Variants in HELLS observed in about 807,000 individuals in gnomAD.
HELLS encodes the protein lymphoid-specific helicase.
Under a neutral mutation model 120.0 loss-of-function variants are expected in HELLS, and 32 were observed. The ratio of observed to expected loss-of-function variants is 0.27; its 90% CI spans 0.20 to 0.36. The LOEUF is 0.36. Among genes scored for constraint, HELLS ranks in the 10% least tolerant of loss-of-function variants. The pLI is 1.00. For missense variants in HELLS, 650 were observed against 993.4 expected (o/e 0.65, Z 4.65); for synonymous variants, 341 against 323.4 (o/e 1.05, Z -0.58).
intron 6 of HELLS, among the ~76,000 whole-genome samples, chr10:94,565,527 T>G (rs1218348809): frequency 6.6e-6 from 1 of 151,930 alleles, no homozygotes; most frequent in Non-Finnish European, 1.5e-5. Context: ...CCATCTCTAC[T>G]AAAAATACAA....
In HELLS at chr10:94,591,243, T is replaced by A. The variant is rs1440382705; in HGVS notation, c.1767+467T>A. Among the ~76,000 whole-genome samples the A allele has an allele frequency of 2.6e-5, 4 of 152,306 alleles. No homozygotes were observed. The East Asian group carries it at 7.7e-4, about 29-fold the overall frequency. ...TTTACTTGTTATATTTTAGAGAGAG[T>A]GGTCATCTTTTCACTATTTCTTTTA... On this transcript the variant is annotated intron_variant, in intron 15 of 21. Coordinates refer to ENST00000348459, the MANE Select transcript of HELLS (RefSeq NM_018063.5).
At chr10:94,575,978 G>A (rs543637870) in intron 9 of HELLS, among the ~76,000 whole-genome samples, 18 of 152,188 alleles carry the variant, frequency 1.2e-4, no homozygotes, top group African/African-American at 4.3e-4. Flanking sequence ...TGTATTTTTA[G>A]TAGTGACGGG....
chr10:94,608,312 T>C (rs955309970), intron 9 of HELLS, among the ~76,000 whole-genome samples: 6 of 152,234 alleles, frequency 3.9e-5, no homozygotes, highest in African/African-American at 1.4e-4. Context: ...ACATATCCTT[T>C]AGCCTAATTA....
intron 2 of HELLS, among the ~76,000 whole-genome samples, chr10:94,552,221 C>T (rs1035487301): frequency 1.3e-4 from 19 of 151,354 alleles, no homozygotes; most frequent in African/African-American, 4.6e-4. Flanking sequence ...AAAAAATCTG[C>T]CACTAGACTT....
Position 94,545,930 on chromosome 10 carries a change from G to T in HELLS, c.9G>T (p.Ala3=). Residue 3 remains alanine (A), a synonymous_variant, in exon 1 of 22, where the codon GCG becomes GCT. Transcript: ENST00000348459. MP[A]ERPAGSGGSE... is the part of the protein sequence containing the mutation. ...CGGGTGAGTGTCCAGGCATGCCAGC[G>T]GAACGGCCCGCGGGCAGCGGCGGTG... 1.3e-6 allele frequency: 2 copies of T among 1,556,162 alleles called. No homozygotes were observed. Among genetic ancestry groups the T allele is most frequent in the Non-Finnish European group, 1.7e-6 (2 of 1,149,292 alleles).
At chr10:94,580,135 A>ATG (rs1844763725) in intron 10 of HELLS, among the ~76,000 whole-genome samples, 1 of 38,662 alleles carries the variant, frequency 2.6e-5, no homozygotes, top group African/African-American at 1.8e-4. Flanking sequence ...ATATATATAT[A>ATG]TATATATATA....
intron 3 of HELLS, 53 bp downstream of exon 3, chr10:94,554,301 CT>C: frequency 1.5e-6 from 2 of 1,340,922 alleles, no homozygotes; most frequent in Non-Finnish European, 2.0e-6. Context: ...TTAAAAATAG[CT>C]TTATTGAAGT....
intron 6 of HELLS, among the ~76,000 whole-genome samples, chr10:94,567,186 T>G (rs1299195409): frequency 6.6e-6 from 1 of 152,200 alleles, no homozygotes; most frequent in Non-Finnish European, 1.5e-5. Flanking sequence ...TCTTCACCTT[T>G]TCCTTCCTCA....
chr10:94,550,061 C>T (rs1004778063), intron 2 of HELLS, among the ~76,000 whole-genome samples: 1 of 152,102 alleles, frequency 6.6e-6, no homozygotes, highest in Non-Finnish European at 1.5e-5. Context: ...GTTGGGATTA[C>T]AGGCATGTGC....
intron 19 of HELLS, 138 bp from the exon 20 acceptor site, chr10:94,596,722 A>C: frequency 1.8e-6 from 1 of 548,710 alleles, no homozygotes; most frequent in South Asian, 2.4e-5. Context: ...GAAGCCTGAG[A>C]GCTTCATTTG....
At chr10:94,599,676 A>C (rs1845933054) in intron 21 of HELLS, among the ~76,000 whole-genome samples, 1 of 152,220 alleles carries the variant, frequency 6.6e-6, no homozygotes, top group East Asian at 1.9e-4. Flanking sequence ...GATTATCTTC[A>C]TAGGAAGTCC....
chr10:94,606,556 C>G (rs902810974), downstream of HELLS, among the ~76,000 whole-genome samples: 1 of 151,900 alleles, frequency 6.6e-6, no homozygotes, highest in Admixed American at 6.6e-5. Context: ...TGCTATGTTG[C>G]CCAGGCTCGT....
intron 3 of HELLS, chr10:94,557,247 C>A: frequency 2.9e-6 from 1 of 341,024 alleles, no homozygotes; most frequent in Non-Finnish European, 6.0e-6. Flanking sequence ...CCCCATCACC[C>A]ACATTTAAAA....
At chr10:94,590,827 A>G (rs369235635) in intron 15 of HELLS, 51 bp downstream of exon 15, 65 of 1,065,796 alleles carry the variant, frequency 6.1e-5, no homozygotes, top group Non-Finnish European at 8.5e-5. Context: ...TTACTTTTAT[A>G]TTGGTGGAAA....
chr10:94,601,364 G>T (rs1846023189), intron 21 of HELLS, among the ~76,000 whole-genome samples, 164 bp from the exon 22 acceptor site: 1 of 152,070 alleles, frequency 6.6e-6, no homozygotes, highest in South Asian at 2.1e-4. Flanking sequence ...TGCTTTCACT[G>T]CTATTAAATC....
intron 2 of HELLS, among the ~76,000 whole-genome samples, chr10:94,547,840 C>T (rs1448700965): frequency 6.6e-6 from 1 of 152,108 alleles, no homozygotes; most frequent in African/African-American, 2.4e-5. Context: ...TTTTAACTAC[C>T]ATGCTATAGT....
chr10:94,553,931 T>C (rs974812061), intron 2 of HELLS, among the ~76,000 whole-genome samples, 195 bp from the exon 3 acceptor site: 7 of 152,200 alleles, frequency 4.6e-5, no homozygotes, highest in Non-Finnish European at 1.0e-4. Flanking sequence ...TATTTTGATA[T>C]ACGAATTGCA....
chr10:94,563,003 A>G (rs534440994), intron 6 of HELLS, 127 bp downstream of exon 6: 13 of 632,694 alleles, frequency 2.1e-5, no homozygotes, highest in African/African-American at 1.7e-4. Flanking sequence ...TTAATATTAT[A>G]TATCATTTAT....
At chr10:94,565,118 C>T (rs570235502) in intron 6 of HELLS, among the ~76,000 whole-genome samples, 4 of 152,304 alleles carry the variant, frequency 2.6e-5, no homozygotes, top group African/African-American at 9.6e-5. Flanking sequence ...GGGTGGATCC[C>T]GTGAGGCCAG....
Sources: allele counts gnomAD v4.1 joint callset (sites outside exome capture counted in the v4.1 genomes callset), GRCh38; gene constraint gnomAD v4.1.1; transcripts MANE v1.5; gene names NCBI Gene and HGNC (gene_info 2026-07-23, HGNC 2026-07-21).